The following PPP1R7 variants were observed in gnomAD, a reference collection of about 807,000 sequenced individuals.
PPP1R7 encodes the protein protein phosphatase 1 regulatory subunit 7, also known as protein phosphatase 1 regulatory subunit 22.
In PPP1R7, 18 loss-of-function variants were observed where a neutral mutation model predicts 45.2. The observed-to-expected ratio is 0.40, with a 90% CI of 0.28 to 0.59. The LOEUF (loss-of-function observed/expected upper bound fraction) is 0.59, where lower values mean the gene tolerates loss of function less well. PPP1R7 is among the 20% of genes least tolerant of loss of function. PPP1R7 has a pLI of 0.46. For synonymous variants in PPP1R7, 181 were observed against 183.4 expected (o/e 0.99, Z 0.11); for missense variants, 314 against 455.8 (o/e 0.69, Z 2.83).
At chr2:241,179,313 G>A (rs982491330) in intron 9 of PPP1R7, among the ~76,000 whole-genome samples, 1 of 152,168 alleles carries the variant, frequency 6.6e-6, no homozygotes, top group African/African-American at 2.4e-5. Flanking sequence ...GTCATCTGGG[G>A]TCACCAGCTG....
At chr2:241,168,353 T>C (rs1260585673) in intron 8 of PPP1R7, among the ~76,000 whole-genome samples, 1 of 152,146 alleles carries the variant, frequency 6.6e-6, no homozygotes, top group Non-Finnish European at 1.5e-5. Flanking sequence ...ATCCTGCGTG[T>C]GTTCCAGGCC....
intron 1 of PPP1R7, among the ~76,000 whole-genome samples, chr2:241,152,426 G>C (rs932032822): frequency 6.6e-6 from 1 of 152,212 alleles, no homozygotes; most frequent in Non-Finnish European, 1.5e-5. Context: ...TCACAGAGAC[G>C]AGTTAGGAGG....
intron 7 of PPP1R7, 46 bp downstream of exon 7, chr2:241,163,447 C>A: frequency 7.6e-7 from 1 of 1,323,780 alleles, no homozygotes; most frequent in Non-Finnish European, 1.1e-6. Context: ...CCTGGCAGGG[C>A]CAGCGCTGCT....
At chr2:241,164,258 A>G (rs1288357232) in intron 7 of PPP1R7, among the ~76,000 whole-genome samples, 1 of 151,982 alleles carries the variant, frequency 6.6e-6, no homozygotes, top group African/African-American at 2.4e-5. Context: ...GCAGTCATAG[A>G]TGGTTTTTAG....
chr2:241,180,588 A>G (rs770443834), intron 9 of PPP1R7, among the ~76,000 whole-genome samples: 2 of 152,068 alleles, frequency 1.3e-5, no homozygotes, highest in African/African-American at 2.4e-5. Flanking sequence ...TCTTTCTGTT[A>G]ACTGACCAGT....
intron 2 of PPP1R7, 29 bp downstream of exon 2, chr2:241,153,633 C>A: frequency 2.5e-6 from 4 of 1,610,170 alleles, no homozygotes; most frequent in Non-Finnish European, 3.4e-6. Context: ...TTGGGGACAT[C>A]TGCTGGTTGG....
In PPP1R7 at chr2:241,160,312, A is replaced by T; in HGVS notation, c.435-20A>T. Reference sequence around the variant, plus strand: ...TATGCTCGTGAAATTTTTTTAAAAAACTGTTTTGGTTGTTCTCAGGATTCT... The same window carrying T: ...TATGCTCGTGAAATTTTTTTAAAAATCTGTTTTGGTTGTTCTCAGGATTCT... On this transcript the variant is annotated intron_variant, in intron 5 of 9. Coordinates refer to ENST00000234038, the MANE Select transcript of PPP1R7 (RefSeq NM_002712.3). 6.4e-7 allele frequency: 1 copy of T among 1,571,868 alleles called. No individual in the cohort carries two copies. Among genetic ancestry groups the T allele is most frequent in the Non-Finnish European group, 8.6e-7 (1 of 1,165,548 alleles).
intron 2 of PPP1R7, among the ~76,000 whole-genome samples, chr2:241,157,116 C>T (rs559765799): frequency 2.6e-5 from 4 of 152,248 alleles, no homozygotes; most frequent in Non-Finnish European, 4.4e-5. Flanking sequence ...CAGAGGATGC[C>T]GGCTCCGGGG....
intron 9 of PPP1R7, among the ~76,000 whole-genome samples, chr2:241,179,167 C>A (rs1466570656): frequency 6.6e-6 from 1 of 152,162 alleles, no homozygotes; most frequent in Non-Finnish European, 1.5e-5. Context: ...CTAGCAGAAT[C>A]CCAGCCGTTG....
chr2:241,170,567 C>T (rs1056598482), intron 9 of PPP1R7, among the ~76,000 whole-genome samples: 1 of 152,200 alleles, frequency 6.6e-6, no homozygotes, highest in Non-Finnish European at 1.5e-5. Context: ...ACAGGTGTCA[C>T]CCTGTGATGC....
Position 241,159,216 on chromosome 2 carries a change from C to G in PPP1R7, c.307C>G (p.Leu103Val), listed in dbSNP as rs764742968. The G allele has an allele frequency of 1.9e-6, 3 of 1,613,394 alleles. No individual in the cohort carries two copies. Among genetic ancestry groups the G allele is most frequent in the East Asian group, 2.2e-5 (1 of 44,838 alleles). ...GFEVLKKVKT[L>V]CLRQNLIKCI... The stretch of plus-strand genomic sequence containing the variant: ...TGTCCCTTTTCCCATCCCCCAGACT[C>G]TCTGCCTCCGCCAAAATTTAATTAA... The change falls in exon 5 of 10, where the codon CTC becomes GTC. Residue 103 changes from leucine (L) to valine (V), a missense_variant. This residue lies in a region of PPP1R7 where 112 missense variants were observed against 144.5 expected (regional missense o/e 0.78). Transcript: ENST00000234038.
At chr2:241,158,578 G>A (rs751287378) in intron 4 of PPP1R7, 29 bp downstream of exon 4, 52 of 1,588,248 alleles carry the variant, frequency 3.3e-5, no homozygotes, top group Non-Finnish European at 4.3e-5. Context: ...AGGGGACTAT[G>A]ACGCTCACCC....
At chr2:241,150,933 C>T (rs1377180972) in intron 1 of PPP1R7, among the ~76,000 whole-genome samples, 1 of 152,252 alleles carries the variant, frequency 6.6e-6, no homozygotes, top group Non-Finnish European at 1.5e-5. Context: ...CTACCAGAGT[C>T]TGCTCCTTGG....
Position 241,157,294 on chromosome 2 carries a change from G to A in PPP1R7, c.182-513G>A, listed in dbSNP as rs147934849. 3.2e-3 allele frequency among the ~76,000 whole-genome samples: 493 copies of A among 152,296 alleles called. 2 individuals carry two copies. Among genetic ancestry groups the A allele is most frequent in the Non-Finnish European group, 4.3e-3 (293 of 68,030 alleles). ...AGAGGGAAGTGTTTGTAGATGCTGG[G>A]CCACCTTCCAAAGCAATAAAAGGCC... On this transcript the variant is annotated intron_variant, in intron 2 of 9. Transcript: ENST00000234038.
chr2:241,166,958 CTCCTCCCCCAT>C, intron 8 of PPP1R7: 1 of 1,145,608 alleles, frequency 8.7e-7, no homozygotes, highest in East Asian at 2.4e-5. Context: ...GAGCAGCTTC[CTCCTCCCCCAT>C]TCCTCCCTGC....
intron 5 of PPP1R7, 118 bp from the exon 6 acceptor site, chr2:241,160,214 C>A: frequency 1.4e-6 from 1 of 727,426 alleles, no homozygotes. Context: ...CCACCCTCTC[C>A]CACCCGGTAG....
At position 241,182,826 on chromosome 2, in the gene PPP1R7, CCTT is replaced by C. The variant is rs747111882; in HGVS notation, c.*7_*9del. On this transcript the variant is annotated 3_prime_UTR_variant, in exon 10 of 10. Transcript: ENST00000234038. ...ATGCCACGTTCGTCAGGTTCTGAGT[CCTT>C]CTTGGCTCCTCATGTGGTCCCTCTC... The C allele has an allele frequency of 1.2e-5, 20 of 1,606,740 alleles. No homozygotes were observed. Among genetic ancestry groups the C allele is most frequent in the Non-Finnish European group, 1.6e-5 (19 of 1,173,890 alleles).
intron 9 of PPP1R7, among the ~76,000 whole-genome samples, chr2:241,182,231 C>T (rs1182548176): frequency 6.6e-6 from 1 of 152,166 alleles, no homozygotes; most frequent in Non-Finnish European, 1.5e-5. Context: ...TTAAGTAGAG[C>T]GGCCTCTGTC....
In PPP1R7 at chr2:241,158,586, C is replaced by G. The variant is rs1353172471; in HGVS notation, c.303+37C>G. 1.9e-6 allele frequency: 3 copies of G among 1,576,372 alleles called. No homozygotes were observed. In the East Asian group the frequency reaches 6.7e-5, roughly 35 times the overall value. Reference sequence around the variant, plus strand: ...TCTTATGAGGGGACTATGACGCTCACCCATAGGATGTGGATAAGTCCAGAA... The same window carrying G: ...TCTTATGAGGGGACTATGACGCTCAGCCATAGGATGTGGATAAGTCCAGAA... On this transcript the variant is annotated intron_variant, in intron 4 of 9. Transcript: ENST00000234038.
Sources: allele counts gnomAD v4.1 joint callset (sites outside exome capture counted in the v4.1 genomes callset), GRCh38; gene constraint gnomAD v4.1.1; regional missense constraint gnomAD v4.1.1; transcripts MANE v1.5; gene names NCBI Gene and HGNC (gene_info 2026-07-23, HGNC 2026-07-21).